Variants in BBS9 observed in about 807,000 individuals in gnomAD.
BBS9 encodes the protein protein PTHB1.
In BBS9, 89 loss-of-function variants were observed where a neutral mutation model predicts 117.7. The observed-to-expected ratio is 0.76, with a 90% CI of 0.64 to 0.90. BBS9 has a LOEUF of 0.90. Among genes scored for constraint, BBS9 ranks in the 40% least tolerant of loss-of-function variants. BBS9 has a pLI of 0.00. For synonymous variants in BBS9, 379 were observed against 370.9 expected (o/e 1.02, Z -0.25); for missense variants, 982 against 1,042.2 (o/e 0.94, Z 0.80).
At chr7:33,431,183 T>C (rs1476944838) in intron 19 of BBS9, among the ~76,000 whole-genome samples, 1 of 146,734 alleles carries the variant, frequency 6.8e-6, no homozygotes, top group African/African-American at 2.5e-5. Flanking sequence ...CCTGGGAGTG[T>C]GGAATAAGAG....
intron 15 of BBS9, among the ~76,000 whole-genome samples, chr7:33,355,957 A>G (rs897653735): frequency 6.6e-6 from 1 of 151,826 alleles, no homozygotes; most frequent in Non-Finnish European, 1.5e-5. Flanking sequence ...TTAGCAGTAT[A>G]GTTTTGGAGG....
chr7:33,513,112 A>G (rs533266532), intron 20 of BBS9, among the ~76,000 whole-genome samples: 56 of 152,216 alleles, frequency 3.7e-4, no homozygotes, highest in African/African-American at 1.3e-3. Flanking sequence ...TCTAAAGCTC[A>G]TTTTATGTGA....
At chr7:33,346,371 G>GCATCTATT (rs1817597111) in intron 12 of BBS9, 1 of 389,704 alleles carries the variant, frequency 2.6e-6, no homozygotes, top group Non-Finnish European at 5.2e-6. Context: ...AGGCAACTAG[G>GCATCTATT]CGAGTGGTTG....
At chr7:33,565,547 T>C (rs1193012194) in intron 21 of BBS9, among the ~76,000 whole-genome samples, 1 of 151,874 alleles carries the variant, frequency 6.6e-6, no homozygotes, top group Non-Finnish European at 1.5e-5. Flanking sequence ...TTCCCTGTCT[T>C]TTTGTTTTCC....
At chr7:33,398,389 G>A (rs1192424344) in intron 19 of BBS9, among the ~76,000 whole-genome samples, 1 of 152,306 alleles carries the variant, frequency 6.6e-6, no homozygotes, top group East Asian at 1.9e-4. Context: ...TGAAAAGAGA[G>A]CAGTTAGATA....
intron 1 of BBS9, among the ~76,000 whole-genome samples, chr7:33,141,703 T>C (rs1274697351): frequency 1.3e-5 from 2 of 152,168 alleles, no homozygotes; most frequent in Non-Finnish European, 2.9e-5. Context: ...ACTTTTTTTT[T>C]GTAGATAGTT....
intron 19 of BBS9, among the ~76,000 whole-genome samples, chr7:33,466,792 G>A (rs1840224966): frequency 6.6e-6 from 1 of 152,116 alleles, no homozygotes; most frequent in South Asian, 2.1e-4. Context: ...TAAGTCAGAG[G>A]CGGATACAGA....
intron 17 of BBS9, among the ~76,000 whole-genome samples, chr7:33,370,783 C>T (rs966333266): frequency 6.6e-6 from 1 of 152,178 alleles, no homozygotes; most frequent in African/African-American, 2.4e-5. Context: ...CCCAGTCTCT[C>T]CTGCCCCTTT....
At chr7:33,433,237 G>A (rs539087497) in intron 19 of BBS9, among the ~76,000 whole-genome samples, 56 of 152,202 alleles carry the variant, frequency 3.7e-4, no homozygotes, top group African/African-American at 1.3e-3. Flanking sequence ...CAAGTCTTTC[G>A]TTAATGGGTA....
chr7:33,188,429 C>T (rs1326244876), intron 5 of BBS9, among the ~76,000 whole-genome samples: 1 of 152,092 alleles, frequency 6.6e-6, no homozygotes, highest in Non-Finnish European at 1.5e-5. Flanking sequence ...GCATAAAGCC[C>T]TCAGTAAGGG....
intron 21 of BBS9, among the ~76,000 whole-genome samples, chr7:33,572,221 A>G (rs1402312202): frequency 6.6e-6 from 1 of 152,058 alleles, no homozygotes; most frequent in Non-Finnish European, 1.5e-5. Context: ...TGTCTAGCTT[A>G]TTTCACTTAA....
At chr7:33,332,863 A>G (rs1268000621) in intron 9 of BBS9, among the ~76,000 whole-genome samples, 3 of 152,172 alleles carry the variant, frequency 2.0e-5, no homozygotes, top group African/African-American at 7.2e-5. Context: ...TACACATAAC[A>G]TAAAATTTAC....
rs189790459 is a variant in BBS9 at position 33,476,982 on chromosome 7, G to A, written c.2116-28481G>A. 2.6e-5 allele frequency among the ~76,000 whole-genome samples: 4 copies of A among 152,206 alleles called. No individual in the cohort carries two copies. The East Asian group carries it at 7.7e-4, about 29-fold the overall frequency. ...AAGTTGGTAAATTATTTCACCTGGG[G>A]ACCTATTATAGCCTAGTGACAAAGA... On this transcript the variant is annotated intron_variant, in intron 19 of 22. Coordinates refer to ENST00000242067, the MANE Select transcript of BBS9 (RefSeq NM_198428.3).
At chr7:33,267,290 T>C (rs2128332831) in intron 7 of BBS9, among the ~76,000 whole-genome samples, 1 of 152,290 alleles carries the variant, frequency 6.6e-6, no homozygotes, top group South Asian at 2.1e-4. Context: ...TTTGAATCTG[T>C]TTGTCCCTTT....
rs58756850 is a variant in BBS9, at chr7:33,234,008, G to A, written c.443-23228G>A. Reference sequence around the variant, plus strand: ...TTCTGGCTGATGTCTGTCCCACCCAGGATGCAAACCATCTTTTTGTCCCAC... The same window carrying A: ...TTCTGGCTGATGTCTGTCCCACCCAAGATGCAAACCATCTTTTTGTCCCAC... On this transcript the variant is annotated intron_variant, in intron 5 of 22. Transcript: ENST00000242067. Among the ~76,000 whole-genome samples, 783 of 152,128 alleles carry A rather than the reference G, an allele frequency of 5.1e-3. 11 individuals carry two copies. The highest frequency in any genetic ancestry group is 0.018 in the African/African-American group (739 of 41,500).
chr7:33,262,834 C>T (rs1798178648), intron 6 of BBS9, among the ~76,000 whole-genome samples: 4 of 152,180 alleles, frequency 2.6e-5, no homozygotes, highest in Admixed American at 2.6e-4. Context: ...TCCTTTAAAA[C>T]CTAGCTTTCT....
intron 19 of BBS9, among the ~76,000 whole-genome samples, chr7:33,396,345 A>C (rs1253890330): frequency 6.6e-6 from 1 of 152,128 alleles, no homozygotes; most frequent in Non-Finnish European, 1.5e-5. Context: ...ATTATTTTCA[A>C]AACCGGAATG....
chr7:33,620,277 A>G (rs982276754), intron 21 of BBS9, among the ~76,000 whole-genome samples: 3 of 152,084 alleles, frequency 2.0e-5, no homozygotes, highest in Non-Finnish European at 4.4e-5. Context: ...AGACTGAATT[A>G]TGAAGAAATA....
intron 19 of BBS9, among the ~76,000 whole-genome samples, chr7:33,405,682 G>T (rs1384624342): frequency 6.6e-6 from 1 of 152,158 alleles, no homozygotes; most frequent in African/African-American, 2.4e-5. Flanking sequence ...TGTGGGATCG[G>T]TGGTGGTATC....
Sources: allele counts gnomAD v4.1 joint callset (sites outside exome capture counted in the v4.1 genomes callset), GRCh38; gene constraint gnomAD v4.1.1; transcripts MANE v1.5; gene names NCBI Gene and HGNC (gene_info 2026-07-23, HGNC 2026-07-21).